The following OOSP2 variants were observed in gnomAD, a reference collection of about 807,000 sequenced individuals.
OOSP2 encodes the protein oocyte secreted protein 2, also known as oocyte-secreted protein 2.
In OOSP2, 7 loss-of-function variants were observed where a neutral mutation model predicts 13.4. The ratio of observed to expected loss-of-function variants is 0.52; its 90% CI spans 0.30 to 0.98. The LOEUF is 0.98. OOSP2 is among the 50% of genes least tolerant of loss of function. The pLI is 0.07. For synonymous variants in OOSP2, 75 were observed against 67.2 expected, an observed-to-expected ratio of 1.12 and a Z score of -0.57; for missense variants, 184 against 188.5, an observed-to-expected ratio of 0.98 and a Z score of 0.14.
At chr11:60,046,709 C>A in intron 3 of OOSP2, 1 of 630,486 alleles carries the variant, frequency 1.6e-6, no homozygotes, top group Non-Finnish European at 3.0e-6. Context: ...CGTCTTTCTA[C>A]TCAGTGTTTG....
rs560957950 is a variant in OOSP2 at position 60,047,728 on chromosome 11, T to C, written c.*655T>C. On this transcript the variant is annotated 3_prime_UTR_variant, in exon 4 of 4. Transcript: ENST00000278855. ...CCGAATGGTTCTTCCACACTCAAAA[T>C]AATTGAATGGTTGAGTTGGTTAAGC... is the stretch of plus-strand genomic sequence containing the variant. 7.9e-4 allele frequency: 120 copies of C among 152,312 alleles called. No individual in the cohort carries two copies. Among genetic ancestry groups the C allele is most frequent in the African/African-American group, 2.6e-3 (109 of 41,584 alleles). The allele number at this position is 152,312 out of a possible 1,614,324, so 9.4% of individuals were successfully genotyped here.
rs769959432 is a variant in OOSP2, at chr11:60,044,629, G to C, written c.244-42G>C. On this transcript the variant is annotated intron_variant, in intron 2 of 3. Coordinates refer to ENST00000278855, the MANE Select transcript of OOSP2 (RefSeq NM_173801.5). ...ATTCAAGTGTGTGTATTCCTCATCT[G>C]TTACTCCAAATATCTTCCACTGAAA... The C allele has an allele frequency of 3.4e-6, 3 of 886,044 alleles. No individual in the cohort carries two copies. In the South Asian group the frequency reaches 4.2e-5, roughly 12 times the overall value. 54.9% of individuals were successfully genotyped at this position (886,044 alleles called of 1,614,324 possible).
intron 3 of OOSP2, among the ~76,000 whole-genome samples, chr11:60,045,124 G>A (rs1322195181): frequency 2.8e-5 from 4 of 145,448 alleles, no homozygotes; most frequent in Non-Finnish European, 6.1e-5. Flanking sequence ...ATCTTTCAAT[G>A]TTTTGTCTTT....
chr11:60,042,578 TACTG>T (rs755381525), intron 1 of OOSP2, among the ~76,000 whole-genome samples: 13 of 152,212 alleles, frequency 8.5e-5, no homozygotes, highest in South Asian at 2.1e-4. Flanking sequence ...ATTATTGACT[TACTG>T]ACGATTTAAA....
Position 60,047,253 on chromosome 11 carries a change from G to T in OOSP2, c.*180G>T. On this transcript the variant is annotated 3_prime_UTR_variant, in exon 4 of 4. Transcript: ENST00000278855. ...AGTGAATGTGTATTTCTAAATATTT[G>T]TATTCAGTAGGGGTATGGCTGATTA... 1.9e-6 allele frequency: 1 copy of T among 527,386 alleles called. No homozygotes were observed. Among genetic ancestry groups the T allele is most frequent in the Non-Finnish European group, 3.4e-6 (1 of 298,102 alleles). The allele number at this position is 527,386 out of a possible 1,614,324, so 32.7% of individuals were successfully genotyped here. A position where few individuals can be genotyped will look rare whatever the true frequency, so the allele number is the denominator to read the frequency against.
At chr11:60,041,849 T>TAAAAAAAA (rs1854932672) in intron 1 of OOSP2, among the ~76,000 whole-genome samples, 1 of 23,518 alleles carries the variant, frequency 4.3e-5, no homozygotes, top group Non-Finnish European at 8.0e-5. Context: ...AGACTCTGTC[T>TAAAAAAAA]CAAAAAAAAA....
At chr11:60,041,270 A>G (rs192153965) in intron 1 of OOSP2, among the ~76,000 whole-genome samples, 7 of 152,280 alleles carry the variant, frequency 4.6e-5, no homozygotes, top group Admixed American at 3.9e-4. Flanking sequence ...TTTGGAAGCA[A>G]AGATCACATA....
At chr11:60,045,635 TG>T (rs898330575) in intron 3 of OOSP2, among the ~76,000 whole-genome samples, 2 of 152,196 alleles carry the variant, frequency 1.3e-5, no homozygotes, top group African/African-American at 4.8e-5. Flanking sequence ...GTTGTAAATT[TG>T]TTAAAATGTA....
At chr11:60,042,087 C>T (rs747791951) in intron 1 of OOSP2, among the ~76,000 whole-genome samples, 28 of 152,148 alleles carry the variant, frequency 1.8e-4, no homozygotes, top group Non-Finnish European at 2.5e-4. Context: ...CCACTGCACT[C>T]CATCCTGGGT....
At position 60,044,772 on chromosome 11, in the gene OOSP2, T is replaced by C; in HGVS notation, c.345T>C (p.Ser115=). ...AAATCCATTTGGAGTGTTCCACCTC[T>C]AGGTAAGTCCAGCAGATTTGATTCC... ...PQEIHLECST[S]RKSVWLTPVS... Residue 115 remains serine (S), a splice_region_variant and synonymous_variant, in exon 3 of 4, where the codon TCT becomes TCC. Coordinates refer to ENST00000278855, the MANE Select transcript of OOSP2 (RefSeq NM_173801.5). The C allele has an allele frequency of 6.8e-7, 1 of 1,463,414 alleles. No individual in the cohort carries two copies. The highest frequency in any genetic ancestry group is 1.2e-5 in the South Asian group (1 of 86,336). 90.7% of individuals were successfully genotyped at this position (1,463,414 alleles called of 1,614,324 possible).
chr11:60,046,818 T>A (rs1855013653), intron 3 of OOSP2, 126 bp from the exon 4 acceptor site: 3 of 832,550 alleles, frequency 3.6e-6, no homozygotes, highest in Non-Finnish European at 6.4e-6. Context: ...GAAGGCATAG[T>A]ATGCTGGCTC....
Position 60,040,456 on chromosome 11 carries a change from C to T in OOSP2, c.-4C>T. The T allele has an allele frequency of 6.3e-7, 1 of 1,581,008 alleles. No homozygotes were observed. The highest frequency in any genetic ancestry group is 8.7e-7 in the Non-Finnish European group (1 of 1,149,762). On this transcript the variant is annotated 5_prime_UTR_variant, in exon 1 of 4. Coordinates refer to ENST00000278855, the MANE Select transcript of OOSP2 (RefSeq NM_173801.5). The stretch of plus-strand genomic sequence containing the variant: ...GCTGGAGGTCTGCTCAGACGAAGGT[C>T]TCCATGGCGTTAGAAGTCTTGATGC...
At chr11:60,042,933 C>G (rs369238503) in intron 1 of OOSP2, among the ~76,000 whole-genome samples, 2 of 150,612 alleles carry the variant, frequency 1.3e-5, no homozygotes, top group African/African-American at 2.4e-5. Context: ...TTTTTGGAGT[C>G]TCTCTCTGTC....
At chr11:60,041,850 C>CAAAAAAAAAAAAAAAAAA (rs571172974) in intron 1 of OOSP2, among the ~76,000 whole-genome samples, 1 of 36,418 alleles carries the variant, frequency 2.7e-5, no homozygotes, top group African/African-American at 1.2e-4. Flanking sequence ...GACTCTGTCT[C>CAAAAAAAAAAAAAAAAAA]AAAAAAAAAA....
In OOSP2 at chr11:60,044,680, G is replaced by A. The variant is rs761245423; in HGVS notation, c.253G>A (p.Glu85Lys). The A allele has an allele frequency of 2.3e-5, 35 of 1,534,498 alleles. No individual in the cohort carries two copies. Among genetic ancestry groups the A allele is most frequent in the Non-Finnish European group, 3.1e-5 (34 of 1,109,204 alleles). The change falls in exon 3 of 4, where the codon GAG becomes AAG. Residue 85 changes from glutamate (E) to lysine (K), a missense_variant. Physicochemically the swap from Glu to Lys is moderately conservative, Grantham distance 56. Transcript: ENST00000278855. ...CTTCATGCTCTCCTAGGTAGTTTCT[G>A]AGGAAACTCTCCTTTTTCAAACCGA... is the stretch of plus-strand genomic sequence containing the variant. The part of the protein sequence containing the change: ...DCGIRTRVVS[E>K]ETLLFQTELY...
rs1565053698 is a variant in OOSP2 at position 60,040,577 on chromosome 11, G to GTAA, written c.64+54_64+55insTAA. The GTAA allele has an allele frequency of 1.3e-5, 13 of 981,728 alleles. No individual in the cohort carries two copies. The African/African-American group carries it at 2.1e-4, about 16-fold the overall frequency. The allele number at this position is 981,728 out of a possible 1,614,324, so 60.8% of individuals were successfully genotyped here. A position where few individuals can be genotyped will look rare whatever the true frequency, so the allele number is the denominator to read the frequency against. ...CTCGAAGGAGTTAATCATAATGATC[G>GTAA]CTTTCCATGCAGGTGTTTTACTCCC... On this transcript the variant is annotated intron_variant, in intron 1 of 3. Coordinates refer to ENST00000278855, the MANE Select transcript of OOSP2 (RefSeq NM_173801.5).
At chr11:60,044,193 TAAC>T (rs1854977826) in intron 2 of OOSP2, among the ~76,000 whole-genome samples, 2 of 152,230 alleles carry the variant, frequency 1.3e-5, no homozygotes, top group East Asian at 1.9e-4. Context: ...CCAATGATAA[TAAC>T]AATCATTTTT....
intron 2 of OOSP2, among the ~76,000 whole-genome samples, chr11:60,044,058 A>C (rs1854975329): frequency 6.6e-6 from 1 of 152,200 alleles, no homozygotes; most frequent in African/African-American, 2.4e-5. Flanking sequence ...ATTGAAATGA[A>C]ATCTCTTGTC....
intron 3 of OOSP2, among the ~76,000 whole-genome samples, chr11:60,045,526 G>A (rs1247617667): frequency 6.6e-6 from 1 of 152,148 alleles, no homozygotes; most frequent in Non-Finnish European, 1.5e-5. Context: ...CTCAGCCAAT[G>A]TGCAATGTCT....
Sources: allele counts gnomAD v4.1 joint callset (sites outside exome capture counted in the v4.1 genomes callset), GRCh38; gene constraint gnomAD v4.1.1; transcripts MANE v1.5; gene names NCBI Gene and HGNC (gene_info 2026-07-23, HGNC 2026-07-21).